HSF1: variants seen among roughly 807,000 people sequenced by gnomAD.
HSF1 encodes the protein heat shock factor protein 1.
Under a neutral mutation model 51.7 loss-of-function variants are expected in HSF1, and 32 were observed. That is an observed-to-expected ratio of 0.62 (90% CI 0.47 to 0.83). The LOEUF is 0.83. Among genes scored for constraint, HSF1 ranks in the 40% least tolerant of loss-of-function variants. The pLI, the probability that HSF1 is intolerant of heterozygous loss-of-function variation, is 0.00. For synonymous variants in HSF1, 396 were observed against 309.7 expected (o/e 1.28, Z -2.92); for missense variants, 727 against 717.0 (o/e 1.01, Z -0.16).
chr8:144,302,820 C>T (rs1334868256), intron 1 of HSF1, among the ~76,000 whole-genome samples: 1 of 151,684 alleles, frequency 6.6e-6, no homozygotes, highest in Admixed American at 6.6e-5. Flanking sequence ...GACTCTGTCT[C>T]GAAAAAACAT....
chr8:144,313,287 A>G (rs1459640541), intron 9 of HSF1: 6 of 532,162 alleles, frequency 1.1e-5, no homozygotes, highest in Non-Finnish European at 2.0e-5. Context: ...CCAGGCCCTC[A>G]TGGCAAAGGG....
At chr8:144,295,255 G>T (rs1220784972) in intron 1 of HSF1, among the ~76,000 whole-genome samples, 2 of 152,232 alleles carry the variant, frequency 1.3e-5, no homozygotes, top group Admixed American at 1.3e-4. Flanking sequence ...AACAAAAGCA[G>T]AAAGTGAAGC....
Position 144,291,757 on chromosome 8 carries a change from G to A in HSF1, c.-1G>A. 6 of 1,506,380 alleles carry A rather than the reference G, an allele frequency of 4.0e-6. No homozygotes were observed. Among genetic ancestry groups the A allele is most frequent in the Non-Finnish European group, 4.4e-6 (5 of 1,126,342 alleles). 93.3% of individuals were successfully genotyped at this position (1,506,380 alleles called of 1,614,324 possible). On this transcript the variant is annotated 5_prime_UTR_variant, in exon 1 of 13. Transcript: ENST00000528838. The surrounding 1 kb of genome is among the most constrained non-coding windows in gnomAD (Gnocchi z 4.1). ...CTCCGCCTATTCCCTCCTTGCTCGA[G>A]ATGGATCTGCCCGTGGGCCCCGGCG...
chr8:144,294,764 C>A (rs1815344700), intron 1 of HSF1, among the ~76,000 whole-genome samples: 1 of 152,078 alleles, frequency 6.6e-6, no homozygotes, highest in Non-Finnish European at 1.5e-5. Context: ...ATTTCCCACC[C>A]CCCCCTCCCA....
chr8:144,313,775 G>GCGCCGCCTCCCCGCGCCGCGCCGCCT (rs1488130128), intron 10 of HSF1, 71 bp from the exon 11 acceptor site: 1 of 9,704 alleles, frequency 1.0e-4, no homozygotes, highest in Admixed American at 1.9e-3. Context: ...CCGCCTCCCC[G>GCGCCGCCTCCCCGCGCCGCGCCGCCT]CCCCGCCTCC....
At position 144,309,415 on chromosome 8, in the gene HSF1, C is replaced by T. The variant is rs782687217; in HGVS notation, c.227-40C>T. On this transcript the variant is annotated intron_variant, in intron 2 of 12. Transcript: ENST00000528838. ...GGCCGCTCTTCAGGGGTTCTGGTCCCGCCCTGAGGCAGAGCTGCCCCCTTC... is the reference window on the plus strand; with the variant it reads ...GGCCGCTCTTCAGGGGTTCTGGTCCTGCCCTGAGGCAGAGCTGCCCCCTTC... 13 of 1,611,426 alleles carry T rather than the reference C, an allele frequency of 8.1e-6. No homozygotes were observed. The East Asian group carries it at 1.1e-4, about 14-fold the overall frequency.
At chr8:144,305,908 T>A (rs1246275636) in intron 1 of HSF1, among the ~76,000 whole-genome samples, 1 of 151,664 alleles carries the variant, frequency 6.6e-6, no homozygotes, top group Non-Finnish European at 1.5e-5. Flanking sequence ...AATTTTGTAT[T>A]TTTAGTAGAG....
In HSF1 at chr8:144,311,695, T is replaced by A; in HGVS notation, c.724-5T>A. 1 of 1,609,054 alleles carries A rather than the reference T, an allele frequency of 6.2e-7. No homozygotes were observed. The highest frequency in any genetic ancestry group is 8.5e-7 in the Non-Finnish European group (1 of 1,177,554). On this transcript the variant is annotated splice_polypyrimidine_tract_variant and splice_region_variant and intron_variant, in intron 7 of 12. Transcript: ENST00000528838. ...ACTGCATGGACCTCCTGCCTTTGATTGCAGGCCCCCTCCCCAGCCTACAGC... is the reference window on the plus strand; with the variant it reads ...ACTGCATGGACCTCCTGCCTTTGATAGCAGGCCCCCTCCCCAGCCTACAGC...
chr8:144,298,132 GA>G (rs1457159477), intron 1 of HSF1, among the ~76,000 whole-genome samples: 1 of 152,176 alleles, frequency 6.6e-6, no homozygotes, highest in Non-Finnish European at 1.5e-5. Context: ...GTCAGCAGAG[GA>G]GGGACCTTGT....
rs1554845161 is a variant in HSF1 at position 144,312,561 on chromosome 8, A to C, written c.1142+317A>C. 3.0e-6 allele frequency: 4 copies of C among 1,324,144 alleles called. No individual in the cohort carries two copies. In the African/African-American group the frequency reaches 5.9e-5, roughly 20 times the overall value. 82.0% of individuals were successfully genotyped at this position (1,324,144 alleles called of 1,614,324 possible). A position where few individuals can be genotyped will look rare whatever the true frequency, so the allele number is the denominator to read the frequency against. On this transcript the variant is annotated intron_variant, in intron 9 of 12. Coordinates refer to ENST00000528838, the MANE Select transcript of HSF1 (RefSeq NM_005526.4). ...CCCAGACACATGGCAGGAGATGGTG[A>C]GCAGGGCCGGCCTCCACACCCCCAG...
chr8:144,313,355 A>T, intron 9 of HSF1, 156 bp from the exon 10 acceptor site: 3 of 590,906 alleles, frequency 5.1e-6, no homozygotes, highest in Non-Finnish European at 9.2e-6. Context: ...ACTGCCTTCC[A>T]GGCCGTCCTC....
intron 1 of HSF1, among the ~76,000 whole-genome samples, chr8:144,298,624 A>G (rs998507298): frequency 1.3e-5 from 2 of 151,502 alleles, no homozygotes; most frequent in African/African-American, 2.4e-5. Flanking sequence ...AAGAAAAGAA[A>G]AAACCGGCGA....
Position 144,311,952 on chromosome 8 carries a change from C to A in HSF1, c.861-11C>A, listed in dbSNP as rs373954387. On this transcript the variant is annotated splice_polypyrimidine_tract_variant and intron_variant, in intron 8 of 12. Coordinates refer to ENST00000528838, the MANE Select transcript of HSF1 (RefSeq NM_005526.4). ...CGAGACGCCAGCTCACCTGGCCCCC[C>A]TCGTGTGCAGGCCCCTATCCAGCAG... 4.2e-5 allele frequency: 66 copies of A among 1,580,780 alleles called. No individual in the cohort carries two copies. The highest frequency in any genetic ancestry group is 1.7e-4 in the African/African-American group (13 of 74,380).
chr8:144,313,255 G>C, intron 9 of HSF1: 1 of 512,014 alleles, frequency 2.0e-6, no homozygotes, highest in Non-Finnish European at 3.5e-6. Context: ...CTTGTCTCCT[G>C]GGTCCACTGC....
chr8:144,306,199 A>G (rs1314851706), intron 1 of HSF1, among the ~76,000 whole-genome samples: 5 of 150,590 alleles, frequency 3.3e-5, no homozygotes, highest in Non-Finnish European at 7.4e-5. Flanking sequence ...CATATTTGAA[A>G]TGATTGACTT....
intron 1 of HSF1, among the ~76,000 whole-genome samples, chr8:144,306,709 G>A (rs894902498): frequency 6.6e-6 from 1 of 152,122 alleles, no homozygotes; most frequent in East Asian, 1.9e-4. Context: ...TCTGGAGCTC[G>A]GACTCCCCCA....
At chr8:144,312,492 C>T (rs1001075726) in intron 9 of HSF1, 37 of 824,012 alleles carry the variant, frequency 4.5e-5, no homozygotes, top group Admixed American at 3.8e-4. Flanking sequence ...CGTCCTGCTG[C>T]CGCCACCCTC....
At chr8:144,299,043 G>A (rs1038952697) in intron 1 of HSF1, among the ~76,000 whole-genome samples, 3 of 152,160 alleles carry the variant, frequency 2.0e-5, no homozygotes, top group Non-Finnish European at 4.4e-5. Flanking sequence ...TGGAAGTGGC[G>A]CAGAATAAGC....
rs1240815913 is a variant in HSF1 at position 144,297,675 on chromosome 8, T to G, written c.117+5801T>G. ...CAGCTACTCACACACGCGCTCCCTT[T>G]GCTCCTAAAGCCTATACTCCCGGGA... On this transcript the variant is annotated intron_variant, in intron 1 of 12. Coordinates refer to ENST00000528838, the MANE Select transcript of HSF1 (RefSeq NM_005526.4). The surrounding 1 kb of genome is among the most constrained non-coding windows in gnomAD (Gnocchi z 4.6). Among the ~76,000 whole-genome samples, 2 of 152,104 alleles carry G rather than the reference T, an allele frequency of 1.3e-5. No individual in the cohort carries two copies. Among genetic ancestry groups the G allele is most frequent in the African/African-American group, 2.4e-5 (1 of 41,416 alleles).
Sources: gnomAD v4.1 joint callset for allele counts (sites outside exome capture counted in the v4.1 genomes callset) on GRCh38, gnomAD v4.1.1 for gene constraint, Gnocchi (gnomAD v3.1) non-coding constraint, MANE v1.5 for transcripts, NCBI Gene and HGNC (gene_info 2026-07-23, HGNC 2026-07-21) for gene names.